WDR41: variants seen among roughly 807,000 people sequenced by gnomAD.
The protein encoded by WDR41 is WD repeat domain 41, also known as WD repeat-containing protein 41.
WDR41 carries 63 observed loss-of-function variants against 69.3 expected under a neutral mutation model. The ratio of observed to expected loss-of-function variants is 0.91; its 90% CI spans 0.74 to 1.12. The LOEUF (loss-of-function observed/expected upper bound fraction) is 1.12, where lower values mean the gene tolerates loss of function less well. Ranked by LOEUF, WDR41 falls within the 50% of genes most tolerant of loss-of-function variation. The pLI is 0.00. For missense variants in WDR41, 543 were observed against 534.5 expected (o/e 1.02, Z -0.16); for synonymous variants, 185 against 192.1 (o/e 0.96, Z 0.31).
intron 1 of WDR41, among the ~76,000 whole-genome samples, chr5:77,609,856 T>A (rs1744508093): frequency 6.6e-6 from 1 of 151,774 alleles, no homozygotes; most frequent in Non-Finnish European, 1.5e-5. Flanking sequence ...ATCAAACTAC[T>A]CTGAGCTACA....
chr5:77,541,844 T>C (rs1182008467), intron 1 of WDR41, among the ~76,000 whole-genome samples: 2 of 152,166 alleles, frequency 1.3e-5, no homozygotes, highest in South Asian at 2.1e-4. Flanking sequence ...AGTTCAACCA[T>C]TGTGGAAGAC....
At chr5:77,574,479 CG>C (rs1561228389) in intron 1 of WDR41, among the ~76,000 whole-genome samples, 1 of 151,912 alleles carries the variant, frequency 6.6e-6, no homozygotes, top group Non-Finnish European at 1.5e-5. Context: ...GTGTGAGTGA[CG>C]TATAAGCCAA....
In WDR41 at chr5:77,453,866, C is replaced by CCA. The variant is rs1206500051; in HGVS notation, c.472_473dup (p.Trp158CysfsTer6). The CCA allele has an allele frequency of 1.2e-6, 2 of 1,613,990 alleles. No homozygotes were observed. The highest frequency in any genetic ancestry group is 1.6e-4 in the Middle Eastern group (1 of 6,062). ...TACACAGGAGATCTAATTTTCGGTT[C>CCA]CACACACACAGGTCATTCCCACCAG... On this transcript the variant is annotated frameshift_variant, in exon 6 of 13. Coordinates refer to ENST00000296679, the MANE Select transcript of WDR41 (RefSeq NM_018268.4). LOFTEE classifies it high-confidence loss of function.
chr5:77,532,787 T>C (rs1400013513), intron 1 of WDR41, among the ~76,000 whole-genome samples: 1 of 152,014 alleles, frequency 6.6e-6, no homozygotes, highest in African/African-American at 2.4e-5. Context: ...AAATATGAAT[T>C]ATTGGGTGGT....
intron 1 of WDR41, among the ~76,000 whole-genome samples, chr5:77,503,745 T>C (rs954835614): frequency 4.6e-5 from 7 of 152,108 alleles, no homozygotes; most frequent in African/African-American, 1.7e-4. Flanking sequence ...CTCAACTACA[T>C]GGAAACTGAA....
chr5:77,581,351 A>C (rs1743936058), intron 1 of WDR41, among the ~76,000 whole-genome samples: 1 of 152,268 alleles, frequency 6.6e-6, no homozygotes, highest in East Asian at 1.9e-4. Context: ...ACCAAGGTGC[A>C]TAAAGCAAAA....
chr5:77,582,919 T>C (rs1409165584), intron 1 of WDR41: 1 of 1,609,708 alleles, frequency 6.2e-7, no homozygotes, highest in South Asian at 1.1e-5. Context: ...TCTTGGTAAA[T>C]ACGGCATTAT....
chr5:77,596,984 T>C (rs547784075), intron 1 of WDR41, among the ~76,000 whole-genome samples: 5 of 151,938 alleles, frequency 3.3e-5, no homozygotes, highest in African/African-American at 1.2e-4. Context: ...TAGCCAGGCA[T>C]AGTAGTGCAC....
At chr5:77,547,112 G>A (rs1743213486) in intron 1 of WDR41, among the ~76,000 whole-genome samples, 1 of 151,980 alleles carries the variant, frequency 6.6e-6, no homozygotes, top group African/African-American at 2.4e-5. Flanking sequence ...AGCATACAAG[G>A]ATCATACCTC....
intron 8 of WDR41, among the ~76,000 whole-genome samples, chr5:77,445,283 T>C (rs940954886): frequency 1.3e-5 from 2 of 152,168 alleles, no homozygotes; most frequent in African/African-American, 2.4e-5. Context: ...GAGGCAGTAA[T>C]TAATAGCCTA....
chr5:77,518,096 G>A (rs988964718), intron 1 of WDR41, among the ~76,000 whole-genome samples: 2 of 152,144 alleles, frequency 1.3e-5, no homozygotes, highest in East Asian at 3.8e-4. Context: ...CTCGGCTGGT[G>A]TGACTAACTC....
At chr5:77,482,254 T>C (rs1801305191) in intron 2 of WDR41, among the ~76,000 whole-genome samples, 1 of 152,216 alleles carries the variant, frequency 6.6e-6, no homozygotes, top group Admixed American at 6.5e-5. Context: ...TATTTCAGAA[T>C]GCATCTCTAA....
At chr5:77,476,883 T>C (rs1800961056) in intron 2 of WDR41, among the ~76,000 whole-genome samples, 2 of 143,626 alleles carry the variant, frequency 1.4e-5, no homozygotes, top group South Asian at 4.6e-4. Context: ...ACTGGCAAAT[T>C]GGATAAAGAG....
rs200465532 is a variant in WDR41 at position 77,519,256 on chromosome 5, TAC to T, written c.43-29686_43-29685del. Among the ~76,000 whole-genome samples, 1,127 of 152,156 alleles carry T rather than the reference TAC, an allele frequency of 7.4e-3. 11 individuals are homozygous for T. The highest frequency in any genetic ancestry group is 0.031 in the Middle Eastern group (9 of 286). On this transcript the variant is annotated intron_variant, in intron 1 of 5. Transcript: ENST00000509971. ...TCCTTGCATACATAATGAGTTTTAA[TAC>T]TTAAACCTCCTATAAATTATTTTCA...
intron 1 of WDR41, among the ~76,000 whole-genome samples, chr5:77,559,043 T>C (rs1376631834): frequency 2.0e-5 from 3 of 152,306 alleles, no homozygotes; most frequent in Admixed American, 2.0e-4. Flanking sequence ...ATTACTCTTT[T>C]AGGAGAGCTC....
Position 77,433,105 on chromosome 5 carries a change from T to A in WDR41, c.*30A>T, listed in dbSNP as rs1798790045. ...AGTACCCGATATTTGATGTTCAAGG[T>A]TCATGCATGTGTATTTTTAATTCCT... On this transcript the variant is annotated 3_prime_UTR_variant, in exon 13 of 13. Coordinates refer to ENST00000296679, the MANE Select transcript of WDR41 (RefSeq NM_018268.4). 2 of 1,594,178 alleles carry A rather than the reference T, an allele frequency of 1.3e-6. No individual in the cohort carries two copies. The highest frequency in any genetic ancestry group is 1.7e-4 in the Middle Eastern group (1 of 5,734).
chr5:77,603,460 T>C (rs756048588), intron 1 of WDR41, among the ~76,000 whole-genome samples: 1 of 152,228 alleles, frequency 6.6e-6, no homozygotes, highest in Non-Finnish European at 1.5e-5. Flanking sequence ...GTTTCTTGTA[T>C]GTGTTGGACA....
intron 2 of WDR41, among the ~76,000 whole-genome samples, chr5:77,468,330 C>T (rs1272608606): frequency 6.6e-6 from 1 of 152,054 alleles, no homozygotes; most frequent in Non-Finnish European, 1.5e-5. Context: ...TCCAACATTA[C>T]CATGTGATGC....
Position 77,582,291 on chromosome 5 carries a change from A to C in WDR41, c.42+38188T>G, listed in dbSNP as rs552298663. ...AAATTACCAACTCTGGCTCAGCAAG[A>C]AAGTAGACAATATGCATAGATATAT... On this transcript the variant is annotated intron_variant, in intron 1 of 5. Coordinates refer to the WDR41 transcript ENST00000509971. 424 of 1,318,762 alleles carry C rather than the reference A, an allele frequency of 3.2e-4. 4 individuals are homozygous for C. In the African/African-American group the frequency reaches 5.7e-3, roughly 18 times the overall value. The allele number at this position is 1,318,762 out of a possible 1,614,324, so 81.7% of individuals were successfully genotyped here.
Sources: allele counts gnomAD v4.1 joint callset (sites outside exome capture counted in the v4.1 genomes callset), GRCh38; gene constraint gnomAD v4.1.1; transcripts MANE v1.5; gene names NCBI Gene and HGNC (gene_info 2026-07-23, HGNC 2026-07-21).